The following GALNT13 variants were observed in gnomAD, a reference collection of about 807,000 sequenced individuals.
The protein encoded by GALNT13 is polypeptide N-acetylgalactosaminyltransferase 13, also known as UDP-GalNAc:polypeptide N-acetylgalactosaminyltransferase 13.
A neutral mutation model predicts 64.2 loss-of-function variants in GALNT13; 28 were observed. The observed-to-expected ratio is 0.44, with a 90% confidence interval of 0.32 to 0.60. The LOEUF is 0.60. Among genes scored for constraint, GALNT13 ranks in the 20% least tolerant of loss-of-function variants. GALNT13 has a pLI of 0.05. For missense variants in GALNT13, 577 were observed against 669.8 expected (o/e 0.86, Z 1.53); for synonymous variants, 214 against 224.6 (o/e 0.95, Z 0.42).
chr2:153,943,030 C>T (rs1189612388), intron 2 of GALNT13, among the ~76,000 whole-genome samples: 1 of 152,148 alleles, frequency 6.6e-6, no homozygotes, highest in South Asian at 2.1e-4. Flanking sequence ...AATAAGCTTA[C>T]ATTTTACTCG....
At chr2:153,335,892 C>A in the GALNT13 span, among the ~76,000 whole-genome samples, 1 of 152,140 alleles carries the variant, frequency 6.6e-6, no homozygotes, top group African/African-American at 2.4e-5. Flanking sequence ...GCCCAGGGTC[C>A]CTGTGCTGTA....
upstream of GALNT13, among the ~76,000 whole-genome samples, chr2:153,868,354 G>C (rs1012073025): frequency 6.6e-6 from 1 of 152,126 alleles, no homozygotes; most frequent in African/African-American, 2.4e-5. Flanking sequence ...GGTTCTTATA[G>C]GGCATGTTAG....
At chr2:153,417,692 T>C in the GALNT13 span, among the ~76,000 whole-genome samples, 1 of 152,294 alleles carries the variant, frequency 6.6e-6, no homozygotes, top group Admixed American at 6.5e-5. Flanking sequence ...AGAATAAGCT[T>C]TTCGGATACA....
At chr2:153,449,451 T>A in the GALNT13 span, among the ~76,000 whole-genome samples, 1 of 152,138 alleles carries the variant, frequency 6.6e-6, no homozygotes, top group South Asian at 2.1e-4. Flanking sequence ...TTTTCCCCCA[T>A]GCCTCTGGCT....
At chr2:153,301,725 C>T in the GALNT13 span, among the ~76,000 whole-genome samples, 1 of 152,196 alleles carries the variant, frequency 6.6e-6, no homozygotes, top group East Asian at 1.9e-4. Context: ...TCTGCTTCCA[C>T]GAGTTCTAAA....
At chr2:153,709,803 T>C in the GALNT13 span, among the ~76,000 whole-genome samples, 12 of 152,172 alleles carry the variant, frequency 7.9e-5, no homozygotes, top group South Asian at 4.1e-4. Context: ...TGAAATAATA[T>C]TCAGCCTTAA....
chr2:154,201,529 G>A (rs897205495), intron 4 of GALNT13, among the ~76,000 whole-genome samples: 1 of 152,032 alleles, frequency 6.6e-6, no homozygotes, highest in African/African-American at 2.4e-5. Flanking sequence ...AAAGTGTCAT[G>A]CGATTGGGCC....
rs143882754 is a variant in GALNT13, at chr2:154,450,603, T to G, written c.*52T>G. On this transcript the variant is annotated 3_prime_UTR_variant, in exon 13 of 13. Transcript: ENST00000392825. ...TGTCTACGCTTTTGTTTTTCCATTA[T>G]TTCAATTGGGGGAAAATATTAACTT... is the stretch of plus-strand genomic sequence containing the variant. 1.5e-3 allele frequency: 2,184 copies of G among 1,461,710 alleles called. 29 individuals carry two copies. The African/African-American group carries it at 0.026, about 18-fold the overall frequency. 90.5% of individuals were successfully genotyped at this position (1,461,710 alleles called of 1,614,324 possible). A position where few individuals can be genotyped will look rare whatever the true frequency, so the allele number is the denominator to read the frequency against.
intron 3 of GALNT13, among the ~76,000 whole-genome samples, chr2:154,025,173 T>C (rs1417337459): frequency 6.6e-6 from 1 of 152,154 alleles, no homozygotes; most frequent in Non-Finnish European, 1.5e-5. Context: ...CTGCCCATTC[T>C]CAGATCTCAA....
chr2:153,696,932 G>T, the GALNT13 span, among the ~76,000 whole-genome samples: 1 of 152,106 alleles, frequency 6.6e-6, no homozygotes, highest in South Asian at 2.1e-4. Flanking sequence ...GCCACATTTT[G>T]CCAAGAAAAT....
At chr2:153,491,588 C>CATATT in the GALNT13 span, among the ~76,000 whole-genome samples, 212 of 141,706 alleles carry the variant, frequency 1.5e-3, no homozygotes, top group African/African-American at 5.5e-3. Flanking sequence ...ACACCTAAAC[C>CATATT]ATATTATATT....
intron 3 of GALNT13, among the ~76,000 whole-genome samples, chr2:154,107,018 T>TTTTTG (rs554220808): frequency 1.2e-3 from 180 of 152,090 alleles, no homozygotes; most frequent in South Asian, 2.9e-3. Flanking sequence ...CAGCTGGTTT[T>TTTTTG]TTTTGTTTTG....
chr2:154,066,443 C>T (rs1332556596), intron 3 of GALNT13, among the ~76,000 whole-genome samples: 1 of 151,768 alleles, frequency 6.6e-6, no homozygotes. Flanking sequence ...TAATCAAACT[C>T]TCAAAGGTGA....
chr2:153,982,940 T>G (rs1223997792), intron 3 of GALNT13, among the ~76,000 whole-genome samples: 3 of 151,972 alleles, frequency 2.0e-5, no homozygotes, highest in Non-Finnish European at 4.4e-5. Context: ...TGAGAATTTT[T>G]GTTAGAATTT....
intron 9 of GALNT13, among the ~76,000 whole-genome samples, chr2:154,316,171 A>T (rs1462112719): frequency 1.3e-5 from 2 of 152,210 alleles, no homozygotes; most frequent in Non-Finnish European, 2.9e-5. Context: ...TGAAGTTAGA[A>T]TGATACTATT....
chr2:153,331,866 T>A, the GALNT13 span, among the ~76,000 whole-genome samples: 1 of 151,820 alleles, frequency 6.6e-6, no homozygotes, highest in Non-Finnish European at 1.5e-5. Flanking sequence ...AATATTGACC[T>A]GTTTTGTATT....
rs1358087585 is a variant in GALNT13 at position 154,390,757 on chromosome 2, G to T, written c.1157-5234G>T. Reference sequence around the variant, plus strand: ...AATTAATTAAAATACTCTTTTGTTGGTACTCATTATGCATCTTTATTTCAT... The same window carrying T: ...AATTAATTAAAATACTCTTTTGTTGTTACTCATTATGCATCTTTATTTCAT... On this transcript the variant is annotated intron_variant, in intron 9 of 12. Transcript: ENST00000392825. Among the ~76,000 whole-genome samples the T allele has an allele frequency of 5.9e-5, 9 of 152,164 alleles. No individual in the cohort carries two copies. The East Asian group carries it at 1.7e-3, about 29-fold the overall frequency.
At chr2:154,024,764 G>T (rs150790890) in intron 3 of GALNT13, among the ~76,000 whole-genome samples, 1 of 152,064 alleles carries the variant, frequency 6.6e-6, no homozygotes, top group Non-Finnish European at 1.5e-5. Flanking sequence ...AGGAGGAGAG[G>T]CACTCTGATT....
At chr2:153,551,716 CA>C in the GALNT13 span, among the ~76,000 whole-genome samples, 1 of 152,090 alleles carries the variant, frequency 6.6e-6, no homozygotes, top group Non-Finnish European at 1.5e-5. Flanking sequence ...AGAGGGATAT[CA>C]GGAATTTGGT....
Sources: gnomAD v4.1 joint callset for allele counts (sites outside exome capture counted in the v4.1 genomes callset) on GRCh38, gnomAD v4.1.1 for gene constraint, MANE v1.5 for transcripts, NCBI Gene and HGNC (gene_info 2026-07-23, HGNC 2026-07-21) for gene names.